The following DCAF6 variants were observed in gnomAD, a reference collection of about 807,000 sequenced individuals.
DCAF6 encodes DDB1- and CUL4-associated factor 6.
Under a neutral mutation model 125.1 loss-of-function variants are expected in DCAF6, and 54 were observed. That is an observed-to-expected ratio of 0.43 (90% confidence interval 0.35 to 0.54). The LOEUF (loss-of-function observed/expected upper bound fraction) is 0.54, where lower values mean the gene tolerates loss of function less well. Among genes scored for constraint, DCAF6 ranks in the 20% least tolerant of loss-of-function variants. The pLI is 0.01. For missense variants in DCAF6, 934 were observed against 1,161.7 expected (o/e 0.80, Z 2.85); for synonymous variants, 371 against 390.4 (o/e 0.95, Z 0.58).
At chr1:167,937,103 C>A in intron 1 of DCAF6, 95 bp downstream of exon 1, 1 of 1,063,122 alleles carries the variant, frequency 9.4e-7, no homozygotes, top group South Asian at 1.4e-5. Context: ...GACGGCGTCT[C>A]GGTGGGGGCG....
At chr1:168,003,718 T>C (rs1682949036) in intron 8 of DCAF6, 152 bp from the exon 9 acceptor site, 1 of 609,214 alleles carries the variant, frequency 1.6e-6, no homozygotes, top group Non-Finnish European at 2.7e-6. Flanking sequence ...ATGAGAGCTC[T>C]AATAGATTTA....
rs573827582 is a variant in DCAF6, at chr1:167,974,969, C to G, written c.392C>G (p.Thr131Ser). 1.2e-6 allele frequency: 2 copies of G among 1,606,312 alleles called. No individual in the cohort carries two copies. Among genetic ancestry groups the G allele is most frequent in the African/African-American group, 1.3e-5 (1 of 74,580 alleles). Reference protein sequence around the residue: ...FYTNVEQDAETNRQCQFTCHY... With the variant: ...FYTNVEQDAESNRQCQFTCHY... The stretch of plus-strand genomic sequence containing the variant: ...ACCAACGTTGAGCAAGATGCAGAAA[C>G]CAACAGACAATGCCAATTTACGTGT... Residue 131 changes from threonine (T) to serine (S), a missense_variant, in exon 4 of 22, where the codon ACC becomes AGC. Physicochemically the swap from Thr to Ser is moderately conservative, Grantham distance 58. Transcript: ENST00000367840.
the DCAF6 span, among the ~76,000 whole-genome samples, chr1:167,901,304 C>T: frequency 3.3e-5 from 5 of 152,150 alleles, no homozygotes; most frequent in African/African-American, 1.2e-4. Flanking sequence ...TAATGGCAAG[C>T]TAGTCTCTAT....
At chr1:167,903,948 CA>C in the DCAF6 span, 1 of 1,614,124 alleles carries the variant, frequency 6.2e-7, no homozygotes, top group East Asian at 2.2e-5. Flanking sequence ...CCCCTCTGTC[CA>C]TGTACATGGC....
the DCAF6 span, among the ~76,000 whole-genome samples, chr1:167,878,182 G>A: frequency 1.3e-5 from 2 of 152,254 alleles, no homozygotes; most frequent in Admixed American, 1.3e-4. Context: ...CAAATGAGAG[G>A]ATTTTTTGTT....
intron 10 of DCAF6, among the ~76,000 whole-genome samples, chr1:168,011,871 G>T (rs1389931927): frequency 6.6e-6 from 1 of 152,160 alleles, no homozygotes; most frequent in Admixed American, 6.5e-5. Flanking sequence ...TACTTGGGAG[G>T]CTGAGGCAGG....
the DCAF6 span, among the ~76,000 whole-genome samples, chr1:167,922,574 A>T: frequency 6.6e-6 from 1 of 151,980 alleles, no homozygotes; most frequent in Admixed American, 6.6e-5. Context: ...GGGTTTTAGG[A>T]TCTTTTCTCA....
intron 5 of DCAF6, among the ~76,000 whole-genome samples, chr1:167,989,976 A>G (rs1172676578): frequency 6.6e-6 from 1 of 152,190 alleles, no homozygotes; most frequent in African/African-American, 2.4e-5. Context: ...TACATTTTCT[A>G]ATTCTTCTAC....
At chr1:167,901,853 A>T in the DCAF6 span, 1 of 1,613,918 alleles carries the variant, frequency 6.2e-7, no homozygotes, top group Admixed American at 1.7e-5. Context: ...CTGGGGATCA[A>T]TCTATTTTGT....
At chr1:168,009,337 TCCTTCCTC>T (rs1683852417) in intron 10 of DCAF6, among the ~76,000 whole-genome samples, 1 of 146,352 alleles carries the variant, frequency 6.8e-6, no homozygotes, top group East Asian at 2.1e-4. Flanking sequence ...CTTCTTTCCT[TCCTTCCTC>T]CCTTCCTTCC....
At chr1:167,926,058 A>G in the DCAF6 span, among the ~76,000 whole-genome samples, 1 of 152,246 alleles carries the variant, frequency 6.6e-6, no homozygotes. Context: ...AACACTAGAA[A>G]GAAGATCACG....
At position 168,023,031 on chromosome 1, in the gene DCAF6, A is replaced by G; in HGVS notation, c.1593A>G (p.Ser531=). The change falls in exon 12 of 22, where the codon TCA becomes TCG. Residue 531 remains serine (S), a synonymous_variant. Transcript: ENST00000367840. The stretch of plus-strand genomic sequence containing the variant: ...TTAACAAACAGCTCGGATCCATGTC[A>G]CTTGACGAGCAACAGGGTGCGTGCA... The part of the protein sequence containing the change: ...SVVNKQLGSM[S]LDEQQDNNNE... 6.2e-7 allele frequency: 1 copy of G among 1,614,180 alleles called. No individual in the cohort carries two copies. Among genetic ancestry groups the G allele is most frequent in the Non-Finnish European group, 8.5e-7 (1 of 1,180,038 alleles).
At chr1:167,883,520 C>T in the DCAF6 span, 1 of 1,614,246 alleles carries the variant, frequency 6.2e-7, no homozygotes, top group East Asian at 2.2e-5. Flanking sequence ...TCCTGGATGG[C>T]TGGGCCTATC....
chr1:167,879,432 T>C, the DCAF6 span, among the ~76,000 whole-genome samples: 1 of 152,174 alleles, frequency 6.6e-6, no homozygotes, highest in Non-Finnish European at 1.5e-5. Context: ...TTTTGAAAAC[T>C]ATTTATTGTG....
At chr1:167,928,239 TCG>T in the DCAF6 span, among the ~76,000 whole-genome samples, 151 of 150,852 alleles carry the variant, frequency 1.0e-3, no homozygotes, top group Non-Finnish European at 1.5e-3. Context: ...TCCCAGCTAC[TCG>T]GGAGGCTGAG....
chr1:168,073,843 A>G (rs1441140459), intron 21 of DCAF6, among the ~76,000 whole-genome samples: 1 of 151,676 alleles, frequency 6.6e-6, no homozygotes, highest in African/African-American at 2.4e-5. Flanking sequence ...AATTTTTTTT[A>G]TACTAATATC....
chr1:167,869,178 C>G, the DCAF6 span, among the ~76,000 whole-genome samples: 1 of 152,146 alleles, frequency 6.6e-6, no homozygotes, highest in African/African-American at 2.4e-5. Context: ...TGGTTCCCAG[C>G]ACTAGGAGGA....
At position 167,936,855 on chromosome 1, in the gene DCAF6, C is replaced by T. The variant is rs375341166; in HGVS notation, c.-57C>T. 4 of 1,391,960 alleles carry T rather than the reference C, an allele frequency of 2.9e-6. No homozygotes were observed. The highest frequency in any genetic ancestry group is 2.5e-5 in the East Asian group (1 of 40,054). The allele number at this position is 1,391,960 out of a possible 1,614,324, so 86.2% of individuals were successfully genotyped here. On this transcript the variant is annotated 5_prime_UTR_variant, in exon 1 of 22. Transcript: ENST00000367840. Reference sequence around the variant, plus strand: ...CGGGTGTTGAAACGGGTGTCCCCTCCCCCTCCTCCCCTCCCCCACGCGGTG... The same window carrying T: ...CGGGTGTTGAAACGGGTGTCCCCTCTCCCTCCTCCCCTCCCCCACGCGGTG...
the DCAF6 span, among the ~76,000 whole-genome samples, chr1:167,866,694 A>G: frequency 2.0e-5 from 3 of 150,828 alleles, no homozygotes; most frequent in South Asian, 4.2e-4. Flanking sequence ...TATTATAGTA[A>G]CTTCTAATCT....
Sources: allele counts gnomAD v4.1 joint callset (sites outside exome capture counted in the v4.1 genomes callset), GRCh38; gene constraint gnomAD v4.1.1; transcripts MANE v1.5; gene names NCBI Gene and HGNC (gene_info 2026-07-23, HGNC 2026-07-21).